Variants in N4BP2L2 observed in about 807,000 individuals in gnomAD.
The protein encoded by N4BP2L2 is NEDD4 binding protein 2 like 2.
N4BP2L2 carries 50 observed loss-of-function variants against 56.2 expected under a neutral mutation model. That is an observed-to-expected ratio of 0.89 (90% CI 0.71 to 1.13). The LOEUF is 1.13. N4BP2L2 is among the 50% of genes most tolerant of loss of function. The pLI, the probability that N4BP2L2 is intolerant of heterozygous loss-of-function variation, is 0.00. For missense variants in N4BP2L2, 689 were observed against 693.8 expected, an observed-to-expected ratio of 0.99 and a Z score of 0.08; for synonymous variants, 203 against 223.6, an observed-to-expected ratio of 0.91 and a Z score of 0.82.
At chr13:32,451,531 AT>A (rs1263397207) in intron 6 of N4BP2L2, among the ~76,000 whole-genome samples, 1 of 151,998 alleles carries the variant, frequency 6.6e-6, no homozygotes, top group Non-Finnish European at 1.5e-5. Flanking sequence ...TAGCTAGAAA[AT>A]ATAAGTTATT....
At chr13:32,537,339 T>C (rs911639923) in intron 1 of N4BP2L2, among the ~76,000 whole-genome samples, 2 of 152,054 alleles carry the variant, frequency 1.3e-5, no homozygotes, top group Non-Finnish European at 2.9e-5. Context: ...TTTAAGTATG[T>C]CTGTAAAGTT....
At chr13:32,498,574 T>G (rs1187597978) in intron 6 of N4BP2L2, among the ~76,000 whole-genome samples, 1 of 151,746 alleles carries the variant, frequency 6.6e-6, no homozygotes, top group African/African-American at 2.4e-5. Context: ...ACTCCTGACC[T>G]CAAGTGATCC....
chr13:32,521,497 A>T, intron 4 of N4BP2L2, 48 bp from the exon 5 acceptor site: 2 of 1,318,872 alleles, frequency 1.5e-6, no homozygotes, highest in Non-Finnish European at 1.1e-6. Flanking sequence ...AGTACTTCTT[A>T]AAGTAAAAAG....
chr13:32,445,625 G>GTA (rs1179653950), intron 6 of N4BP2L2, among the ~76,000 whole-genome samples: 2 of 152,196 alleles, frequency 1.3e-5, no homozygotes, highest in African/African-American at 4.8e-5. Context: ...TACTCTGTGG[G>GTA]GTACTTGGAA....
intron 6 of N4BP2L2, among the ~76,000 whole-genome samples, chr13:32,451,398 A>G (rs1021941736): frequency 6.6e-6 from 1 of 152,080 alleles, no homozygotes; most frequent in Non-Finnish European, 1.5e-5. Context: ...AGAAATAGAA[A>G]AGAAGGCACA....
chr13:32,512,503 T>G (rs2048339870), exon 6 of N4BP2L2: 1 of 152,204 alleles, frequency 6.6e-6, no homozygotes, highest in Non-Finnish European at 1.5e-5. Flanking sequence ...TTATTACAAT[T>G]ACCACAACTG....
intron 7 of N4BP2L2, among the ~76,000 whole-genome samples, chr13:32,441,235 T>C (rs1367782779): frequency 6.6e-6 from 1 of 152,190 alleles, no homozygotes; most frequent in Non-Finnish European, 1.5e-5. Flanking sequence ...CAGTATCCTT[T>C]TCAGACTGCC....
chr13:32,520,502 C>CA (rs1033624666), intron 5 of N4BP2L2, among the ~76,000 whole-genome samples: 9 of 151,552 alleles, frequency 5.9e-5, no homozygotes, highest in Non-Finnish European at 1.3e-4. Flanking sequence ...ACTAAAAATA[C>CA]AAAAAAATTA....
chr13:32,477,749 G>T, intron 6 of N4BP2L2: 1 of 587,930 alleles, frequency 1.7e-6, no homozygotes, highest in Non-Finnish European at 2.6e-6. Context: ...TTGAGCCTAA[G>T]TGGTAAAAGC....
chr13:32,489,765 G>GAAAA (rs34893590), intron 6 of N4BP2L2, among the ~76,000 whole-genome samples: 2 of 137,820 alleles, frequency 1.5e-5, no homozygotes, highest in Admixed American at 7.5e-5. Flanking sequence ...TTCCCCTCCT[G>GAAAA]AAAAAAAAAA....
intron 7 of N4BP2L2, among the ~76,000 whole-genome samples, chr13:32,441,045 T>C (rs1395171222): frequency 6.6e-6 from 1 of 150,534 alleles, no homozygotes; most frequent in Non-Finnish European, 1.5e-5. Flanking sequence ...AGTAGAGGCA[T>C]GTTTTCGTCA....
rs1256398832 is a variant in N4BP2L2 at position 32,525,870 on chromosome 13, T to A, written c.1384+1538A>T. Among the ~76,000 whole-genome samples, 6 of 152,188 alleles carry A rather than the reference T, an allele frequency of 3.9e-5. No homozygotes were observed. In the East Asian group the frequency reaches 1.2e-3, roughly 29 times the overall value. ...AAAATCATCACTTTGCAATTCTGAA[T>A]GAAATAACTGACTCAGGAAACAATT... On this transcript the variant is annotated intron_variant, in intron 3 of 5. Coordinates refer to ENST00000267068, the Ensembl canonical transcript of N4BP2L2.
chr13:32,443,903 G>T, exon 7 of N4BP2L2: 2 of 1,571,672 alleles, frequency 1.3e-6, no homozygotes, highest in Non-Finnish European at 1.7e-6. Context: ...ACTTCATTTT[G>T]TAGACCATCA....
chr13:32,460,747 C>T (rs1050835707), intron 6 of N4BP2L2, among the ~76,000 whole-genome samples: 2 of 151,942 alleles, frequency 1.3e-5, no homozygotes, highest in Non-Finnish European at 2.9e-5. Flanking sequence ...CTAAAATTTG[C>T]ATGGAACCAA....
chr13:32,530,071 A>G (rs2054266331), intron 2 of N4BP2L2, among the ~76,000 whole-genome samples: 1 of 152,264 alleles, frequency 6.6e-6, no homozygotes, highest in African/African-American at 2.4e-5. Flanking sequence ...CATGACAATC[A>G]TATTTTTTGT....
At chr13:32,461,960 T>G (rs2080172010) in intron 6 of N4BP2L2, among the ~76,000 whole-genome samples, 1 of 152,216 alleles carries the variant, frequency 6.6e-6, no homozygotes, top group African/African-American at 2.4e-5. Context: ...GGGGAGGATA[T>G]GGAGAAAAAG....
intron 6 of N4BP2L2, among the ~76,000 whole-genome samples, chr13:32,459,636 A>C (rs1177051775): frequency 1.3e-5 from 2 of 152,160 alleles, no homozygotes; most frequent in African/African-American, 4.8e-5. Context: ...TCAGTAATAA[A>C]AACTCTCCCA....
intron 8 of N4BP2L2, among the ~76,000 whole-genome samples, chr13:32,436,830 A>G (rs1566006364): frequency 6.8e-6 from 1 of 147,520 alleles, no homozygotes; most frequent in Non-Finnish European, 1.5e-5. Context: ...AAAGAAAGAA[A>G]GAAAGAAAAC....
chr13:32,450,875 T>C (rs1394582181), intron 6 of N4BP2L2, among the ~76,000 whole-genome samples: 2 of 109,782 alleles, frequency 1.8e-5, no homozygotes, highest in African/African-American at 3.5e-5. Flanking sequence ...TCCCCTTCTC[T>C]CTCTCTCTCT....
Sources: allele counts gnomAD v4.1 joint callset (sites outside exome capture counted in the v4.1 genomes callset), GRCh38; gene constraint gnomAD v4.1.1; transcripts MANE v1.5; gene names NCBI Gene and HGNC (gene_info 2026-07-23, HGNC 2026-07-21).